ATXN7: variants seen among roughly 807,000 people sequenced by gnomAD.
ATXN7 encodes the protein ataxin 7, also known as ataxin-7.
ATXN7 carries 12 observed loss-of-function variants against 70.5 expected under a neutral mutation model. That is an observed-to-expected ratio of 0.17 (90% CI 0.11 to 0.28). The LOEUF (loss-of-function observed/expected upper bound fraction) is 0.28. Ranked by LOEUF, ATXN7 falls within the 10% of genes least tolerant of loss-of-function variation. ATXN7 has a pLI of 1.00. For synonymous variants in ATXN7, 498 were observed against 448.7 expected, an observed-to-expected ratio of 1.11 and a Z score of -1.39; for missense variants, 1,256 against 1,131.7, an observed-to-expected ratio of 1.11 and a Z score of -1.58.
chr3:63,982,955 T>C lies in ATXN7; in HGVS notation c.1029T>C (p.Pro343=). The change falls in exon 8 of 13, where the codon CCT becomes CCC. Residue 343 remains proline (P), a synonymous_variant. Transcript: ENST00000674280. The part of the protein sequence containing the change: ...NKRLSEREFD[P]DIHCGVIDLD... ...TTTTGACAGAAAGAGAGTTTGATCC[T>C]GACATCCACTGTGGGGTTATTGATC... 2 of 1,614,064 alleles carry C rather than the reference T, an allele frequency of 1.2e-6. No homozygotes were observed. The highest frequency in any genetic ancestry group is 8.5e-7 in the Non-Finnish European group (1 of 1,179,956).
chr3:63,932,855 T>C (rs1214588000), intron 4 of ATXN7, among the ~76,000 whole-genome samples: 2 of 152,194 alleles, frequency 1.3e-5, no homozygotes, highest in Non-Finnish European at 2.9e-5. Flanking sequence ...TGTTCAGCCA[T>C]AGGGAGATTG....
In ATXN7 at chr3:63,967,796, TAGC is replaced by T. The variant is rs2075250892; in HGVS notation, c.500-12117_500-12115del. On this transcript the variant is annotated intron_variant, in intron 5 of 12. Transcript: ENST00000674280. ...GTAATTCAAGTGCTTTTTACAGTAG[TAGC>T]AAATGTTACATAAGCCCAAACATGG... 29 of 1,496,760 alleles carry T rather than the reference TAGC, an allele frequency of 1.9e-5. 1 individual carries two copies. The South Asian group carries it at 3.5e-4, about 18-fold the overall frequency. 92.7% of individuals were successfully genotyped at this position (1,496,760 alleles called of 1,614,324 possible). A position where few individuals can be genotyped will look rare whatever the true frequency, so the allele number is the denominator to read the frequency against.
intron 4 of ATXN7, among the ~76,000 whole-genome samples, chr3:63,934,196 C>A (rs1372858052): frequency 6.6e-6 from 1 of 152,158 alleles, no homozygotes; most frequent in Admixed American, 6.5e-5. Context: ...TCCTTTCATA[C>A]TTCTTGCCTG....
chr3:63,986,775 AGGT>A (rs1298167518), intron 8 of ATXN7, among the ~76,000 whole-genome samples: 1 of 152,166 alleles, frequency 6.6e-6, no homozygotes, highest in Non-Finnish European at 1.5e-5. Context: ...TCTCGTAAGG[AGGT>A]GGGTTGTGTT....
chr3:63,902,551 G>A (rs1559625147), intron 2 of ATXN7, among the ~76,000 whole-genome samples: 2 of 152,212 alleles, frequency 1.3e-5, no homozygotes, highest in African/African-American at 4.8e-5. Flanking sequence ...TTTAGCTAGA[G>A]TGGAGTCTTT....
chr3:63,938,745 A>T (rs368185416), intron 4 of ATXN7, among the ~76,000 whole-genome samples: 1 of 152,258 alleles, frequency 6.6e-6, no homozygotes, highest in Non-Finnish European at 1.5e-5. Flanking sequence ...ACAAGCATCA[A>T]TGAAAGCATT....
chr3:63,870,398 A>ACACACACGTATGTGTGTGTGTGCT (rs1702559981), intron 1 of ATXN7, among the ~76,000 whole-genome samples: 2 of 152,180 alleles, frequency 1.3e-5, no homozygotes, highest in Admixed American at 6.5e-5. Flanking sequence ...CAACATGTGC[A>ACACACACGTATGTGTGTGTGTGCT]CACACACGTA....
chr3:63,952,249 T>C, intron 4 of ATXN7, 130 bp from the exon 5 acceptor site: 1 of 533,894 alleles, frequency 1.9e-6, no homozygotes, highest in South Asian at 3.2e-5. Flanking sequence ...ATAGTGGTGG[T>C]GTACCACATC....
chr3:63,948,757 G>A (rs1174147414), intron 4 of ATXN7, among the ~76,000 whole-genome samples: 1 of 152,146 alleles, frequency 6.6e-6, no homozygotes, highest in Non-Finnish European at 1.5e-5. Flanking sequence ...CTAGTATGCT[G>A]GCCTGGGGTC....
chr3:63,934,171 C>G (rs1334461756), intron 4 of ATXN7, among the ~76,000 whole-genome samples: 1 of 152,160 alleles, frequency 6.6e-6, no homozygotes, highest in Non-Finnish European at 1.5e-5. Context: ...TCTGAAACCA[C>G]CCCCTTGTGT....
Position 63,987,493 on chromosome 3 carries a change from G to A in ATXN7, c.1096-566G>A, listed in dbSNP as rs1211058882. Among the ~76,000 whole-genome samples, 4 of 152,166 alleles carry A rather than the reference G, an allele frequency of 2.6e-5. No individual in the cohort carries two copies. In the East Asian group the frequency reaches 7.7e-4, roughly 29 times the overall value. ...TTCTGTCCAGTGCTCCTTGGCTGTG[G>A]CAGTCTGTCTGCAGAATGCTTTGGG... is the stretch of plus-strand genomic sequence containing the variant. On this transcript the variant is annotated intron_variant, in intron 8 of 12. Coordinates refer to ENST00000674280, the MANE Select transcript of ATXN7 (RefSeq NM_001377405.1).
At chr3:63,972,040 A>G (rs1031930945) in intron 5 of ATXN7, among the ~76,000 whole-genome samples, 12 of 152,220 alleles carry the variant, frequency 7.9e-5, no homozygotes, top group Admixed American at 2.6e-4. Context: ...CATGATGCCA[A>G]TTGACACCTC....
chr3:63,874,093 T>C (rs2107206671), intron 1 of ATXN7, among the ~76,000 whole-genome samples: 1 of 152,336 alleles, frequency 6.6e-6, no homozygotes, highest in Middle Eastern at 3.4e-3. Context: ...CCACTCTAAA[T>C]GCAATACTAC....
intron 1 of ATXN7, among the ~76,000 whole-genome samples, chr3:63,865,925 A>AAG (rs1702409587): frequency 2.7e-5 from 4 of 147,038 alleles, no homozygotes; most frequent in Non-Finnish European, 6.0e-5. Context: ...AAAAAAAAAA[A>AAG]GAAAGTAATT....
At chr3:63,913,127 C>A in intron 3 of ATXN7, 30 bp from the exon 4 acceptor site, 2 of 1,608,090 alleles carry the variant, frequency 1.2e-6, no homozygotes, top group Non-Finnish European at 1.7e-6. Flanking sequence ...ACCTGCCTCT[C>A]CCCTCCTCCT....
intron 4 of ATXN7, among the ~76,000 whole-genome samples, chr3:63,917,624 C>T (rs1704711252): frequency 6.6e-6 from 1 of 152,166 alleles, no homozygotes; most frequent in Non-Finnish European, 1.5e-5. Context: ...TGTACTTTTT[C>T]TTTCTGCATT....
intron 11 of ATXN7, among the ~76,000 whole-genome samples, chr3:63,994,884 C>T (rs2075731158): frequency 6.6e-6 from 1 of 152,216 alleles, no homozygotes; most frequent in Non-Finnish European, 1.5e-5. Context: ...AATACCTTGC[C>T]CACACATTCT....
At position 63,980,146 on chromosome 3, in the gene ATXN7, G is replaced by C. The variant is rs2075461425; in HGVS notation, c.731G>C (p.Ser244Thr). The C allele has an allele frequency of 3.1e-6, 5 of 1,614,058 alleles. No individual in the cohort carries two copies. The highest frequency in any genetic ancestry group is 2.2e-5 in the East Asian group (1 of 44,894). Reference protein sequence around the residue: ...NTRPMHPIQQSRVPHGRIMTP... With the variant: ...NTRPMHPIQQTRVPHGRIMTP... The stretch of plus-strand genomic sequence containing the variant: ...AGGCCAATGCATCCCATTCAGCAAA[G>C]TAGAGTTCCCCATGGTAGAATGTGA... The change falls in exon 6 of 13, where the codon AGT becomes ACT. Residue 244 changes from serine (S) to threonine (T), a missense_variant. By Grantham distance (58) the Ser-to-Thr change is moderately conservative. Coordinates refer to ENST00000674280, the MANE Select transcript of ATXN7 (RefSeq NM_001377405.1).
At chr3:63,979,889 C>T (rs1344819122) in intron 5 of ATXN7, 26 bp from the exon 6 acceptor site, 3 of 1,611,456 alleles carry the variant, frequency 1.9e-6, no homozygotes, top group Non-Finnish European at 2.5e-6. Context: ...AACATGATGT[C>T]TTTTTTTCTT....
Sources: allele counts gnomAD v4.1 joint callset (sites outside exome capture counted in the v4.1 genomes callset), GRCh38; gene constraint gnomAD v4.1.1; transcripts MANE v1.5; gene names NCBI Gene and HGNC (gene_info 2026-07-23, HGNC 2026-07-21).